NUTM2E: variants seen among roughly 807,000 people sequenced by gnomAD.
The protein encoded by NUTM2E is family with sequence similarity 22, member E.
In NUTM2E, 3 loss-of-function variants were observed where a neutral mutation model predicts 26.1. The observed-to-expected ratio is 0.12, with a 90% CI of 0.05 to 0.30. The LOEUF (loss-of-function observed/expected upper bound fraction) is 0.30, where lower values mean the gene tolerates loss of function less well. Among genes scored for constraint, NUTM2E ranks in the 10% least tolerant of loss-of-function variants. NUTM2E has a pLI of 1.00. For synonymous variants in NUTM2E, 13 were observed against 157.5 expected, an observed-to-expected ratio of 0.08 and a Z score of 6.87; for missense variants, 62 against 381.3, an observed-to-expected ratio of 0.16 and a Z score of 6.97.
intron 1 of NUTM2E, among the ~76,000 whole-genome samples, chr10:79,827,946 A>C (rs397834909): frequency 1.3e-4 from 19 of 151,240 alleles, no homozygotes; most frequent in Middle Eastern, 3.4e-3. Flanking sequence ...GGCATGCACC[A>C]CCGCGCCCGG....
In NUTM2E at chr10:79,838,402, G is replaced by A. The variant is rs1298111376; in HGVS notation, c.-2634G>A. On this transcript the variant is annotated 5_prime_UTR_variant, in exon 2 of 10. Transcript: ENST00000429984. Reference sequence around the variant, plus strand: ...CAAGCTTCACAACTTACTCAATGAGGTCGTCCGTGAGAACTTCACTGTTTT... The same window carrying A: ...CAAGCTTCACAACTTACTCAATGAGATCGTCCGTGAGAACTTCACTGTTTT... Among the ~76,000 whole-genome samples, 1 of 140,662 alleles carries A rather than the reference G, an allele frequency of 7.1e-6. No homozygotes were observed. The highest frequency in any genetic ancestry group is 2.6e-5 in the African/African-American group (1 of 38,098). 92.3% of individuals were successfully genotyped at this position (140,662 alleles called of 152,430 possible). A position where few individuals can be genotyped will look rare whatever the true frequency, so the allele number is the denominator to read the frequency against.
chr10:79,834,348 A>G (rs1841947147), intron 1 of NUTM2E, among the ~76,000 whole-genome samples: 1 of 151,814 alleles, frequency 6.6e-6, no homozygotes, highest in African/African-American at 2.4e-5. Context: ...CTTAAGTATC[A>G]TAAAAAGAAA....
chr10:79,842,743 CTTTGA>C (rs969313185), intron 4 of NUTM2E, among the ~76,000 whole-genome samples: 5 of 107,666 alleles, frequency 4.6e-5, no homozygotes, highest in African/African-American at 1.4e-4. Flanking sequence ...TAGCTGTTGG[CTTTGA>C]TTTAACAGGG....
At chr10:79,829,068 C>A (rs1244010586) in intron 1 of NUTM2E, among the ~76,000 whole-genome samples, 1 of 151,844 alleles carries the variant, frequency 6.6e-6, no homozygotes, top group African/African-American at 2.4e-5. Flanking sequence ...CTATCAAGCT[C>A]TATTCTCAAA....
intron 1 of NUTM2E, among the ~76,000 whole-genome samples, chr10:79,834,582 C>T (rs1268390200): frequency 1.3e-5 from 2 of 150,338 alleles, no homozygotes; most frequent in Non-Finnish European, 3.0e-5. Flanking sequence ...GTAGGAGAGT[C>T]GCTTGAACCC....
intron 1 of NUTM2E, among the ~76,000 whole-genome samples, chr10:79,834,332 GTATA>G: frequency 6.6e-6 from 1 of 151,680 alleles, no homozygotes; most frequent in African/African-American, 2.4e-5. Flanking sequence ...TTCTACACAT[GTATA>G]ACTTAAGTAT....
intron 1 of NUTM2E, among the ~76,000 whole-genome samples, chr10:79,832,574 A>C (rs1841933902): frequency 6.6e-6 from 1 of 151,730 alleles, no homozygotes; most frequent in Admixed American, 6.6e-5. Context: ...ACATTTTTAC[A>C]TTGCCTACTG....
chr10:79,831,591 G>T (rs2262024), intron 1 of NUTM2E, among the ~76,000 whole-genome samples: 3 of 151,758 alleles, frequency 2.0e-5, no homozygotes, highest in African/African-American at 2.4e-5. Context: ...GCATGTTCTC[G>T]TAAAGGGGAA....
At chr10:79,849,076 TTGTG>T (rs1842037893) in intron 8 of NUTM2E, among the ~76,000 whole-genome samples, 181 bp downstream of exon 8, 1 of 107,340 alleles carries the variant, frequency 9.3e-6, no homozygotes, top group Non-Finnish European at 2.3e-5. Flanking sequence ...CTGTGTGTCT[TTGTG>T]TGTCTGTGTA....
chr10:79,831,730 G>A (rs1841927985), intron 1 of NUTM2E, among the ~76,000 whole-genome samples: 1 of 151,654 alleles, frequency 6.6e-6, no homozygotes, highest in South Asian at 2.1e-4. Flanking sequence ...TTATTCTTTA[G>A]TGAGAACTGA....
rs966950229 is a variant in NUTM2E, at chr10:79,831,326, A to G, written c.-2728+3969A>G. ...AAACTACTTAACAGTTAAACATTATATACTTAAAATACTTAAATTAGCTTA... is the reference window on the plus strand; with the variant it reads ...AAACTACTTAACAGTTAAACATTATGTACTTAAAATACTTAAATTAGCTTA... On this transcript the variant is annotated intron_variant, in intron 1 of 9. Transcript: ENST00000429984. Among the ~76,000 whole-genome samples the G allele has an allele frequency of 2.0e-5, 3 of 151,324 alleles. 1 individual carries two copies. The highest frequency in any genetic ancestry group is 4.2e-4 in the South Asian group (2 of 4,768).
chr10:79,836,452 TAGTAGTTTTATAGCTAC>T (rs2132416300), intron 1 of NUTM2E, among the ~76,000 whole-genome samples: 1 of 149,364 alleles, frequency 6.7e-6, no homozygotes, highest in Admixed American at 7.3e-5. Flanking sequence ...TTATCTCTTG[TAGTAGTTTTATAGCTAC>T]ATAAGAGTAT....
chr10:79,833,324 T>A (rs1841938689), intron 1 of NUTM2E, among the ~76,000 whole-genome samples: 1 of 151,430 alleles, frequency 6.6e-6, no homozygotes, highest in Admixed American at 6.6e-5. Flanking sequence ...CTCACTCCGA[T>A]ATTGGACCTG....
At chr10:79,836,466 C>T (rs1379064215) in intron 1 of NUTM2E, among the ~76,000 whole-genome samples, 1 of 151,858 alleles carries the variant, frequency 6.6e-6, no homozygotes, top group African/African-American at 2.4e-5. Context: ...AGTTTTATAG[C>T]TACATAAGAG....
intron 1 of NUTM2E, among the ~76,000 whole-genome samples, chr10:79,834,824 AC>A (rs1477858156): frequency 1.3e-5 from 2 of 150,600 alleles, no homozygotes; most frequent in Non-Finnish European, 3.0e-5. Context: ...CTACACACAC[AC>A]ACACACACAC....
At chr10:79,836,497 A>G (rs1162496550) in intron 1 of NUTM2E, among the ~76,000 whole-genome samples, 1 of 151,960 alleles carries the variant, frequency 6.6e-6, no homozygotes, top group Non-Finnish European at 1.5e-5. Flanking sequence ...CAAAAGGTAC[A>G]TCATAAAAAC....
rs1841941709 is a variant in NUTM2E, at chr10:79,833,556, A to G, written c.-2727-4753A>G. On this transcript the variant is annotated intron_variant, in intron 1 of 9. Transcript: ENST00000429984. ...ATCAAAAAGTGGGTGAAGGAAATGA[A>G]CAGACACTTTTCAAAAGAAGGCATT... Among the ~76,000 whole-genome samples the G allele has an allele frequency of 2.0e-5, 3 of 151,856 alleles. 1 individual carries two copies. Among genetic ancestry groups the G allele is most frequent in the Non-Finnish European group, 4.4e-5 (3 of 67,932 alleles).
chr10:79,830,888 T>C (rs372614103), intron 1 of NUTM2E, among the ~76,000 whole-genome samples: 4 of 151,696 alleles, frequency 2.6e-5, no homozygotes, highest in African/African-American at 9.7e-5. Context: ...CCAGTAGAGA[T>C]ATTACTGACA....
chr10:79,850,431 A>G lies in NUTM2E; in HGVS notation c.2462A>G (p.Gln821Arg), dbSNP rs201377212. 5.3e-3 allele frequency: 3,573 copies of G among 671,826 alleles called. 1,357 individuals carry two copies. The highest frequency in any genetic ancestry group is 0.046 in the African/African-American group (1,287 of 28,254). 41.6% of individuals were successfully genotyped at this position (671,826 alleles called of 1,614,324 possible). Residue 821 changes from glutamine (Q) to arginine (R), a missense_variant, in exon 10 of 10, where the codon CAA becomes CGA. Coordinates refer to ENST00000429984, the MANE Select transcript of NUTM2E (RefSeq NM_001355263.2). ...APSPANKAKK[Q>R]PLFGSLSPAE... ...TCTCCTGCCAACAAGGCCAAGAAGC[A>G]ACCTCTCTTTGGAAGCCTGTCCCCT...
Sources: gnomAD v4.1 joint callset for allele counts (sites outside exome capture counted in the v4.1 genomes callset) on GRCh38, gnomAD v4.1.1 for gene constraint, MANE v1.5 for transcripts, NCBI Gene and HGNC (gene_info 2026-07-23, HGNC 2026-07-21) for gene names.